The following MYO10 variants were observed in gnomAD, a reference collection of about 807,000 sequenced individuals.
MYO10 encodes myosin X.
In MYO10, 133 loss-of-function variants were observed where a neutral mutation model predicts 257.3. The observed-to-expected ratio is 0.52, with a 90% CI of 0.45 to 0.60. MYO10 has a LOEUF of 0.60. Among genes scored for constraint, MYO10 ranks in the 20% least tolerant of loss-of-function variants. The pLI, the probability that MYO10 is intolerant of heterozygous loss-of-function variation, is 0.00. For synonymous variants in MYO10, 1,104 were observed against 1,028.6 expected (o/e 1.07, Z -1.40); for missense variants, 2,399 against 2,635.7 (o/e 0.91, Z 1.97).
chr5:16,822,923 G>T (rs566984327), intron 2 of MYO10, among the ~76,000 whole-genome samples: 57 of 151,590 alleles, frequency 3.8e-4, no homozygotes, highest in Middle Eastern at 3.4e-3. Context: ...TCCTGACCTC[G>T]TGATCCGCCC....
At chr5:16,852,068 A>G (rs1743821580) in intron 2 of MYO10, among the ~76,000 whole-genome samples, 1 of 150,212 alleles carries the variant, frequency 6.7e-6, no homozygotes, top group Non-Finnish European at 1.5e-5. Context: ...AAAAAAAAAA[A>G]AAAAAAAAAG....
intron 4 of MYO10, among the ~76,000 whole-genome samples, chr5:16,790,896 T>TAA (rs1491167116): frequency 2.7e-4 from 7 of 26,122 alleles, no homozygotes; most frequent in Admixed American, 2.6e-3. Context: ...GTTTTAAATT[T>TAA]ATATATATAT....
intron 2 of MYO10, among the ~76,000 whole-genome samples, chr5:16,845,901 T>C (rs778483046): frequency 6.6e-6 from 1 of 150,802 alleles, no homozygotes; most frequent in Non-Finnish European, 1.5e-5. Context: ...GAGGCAGAGG[T>C]TGCAGTGAGC....
intron 33 of MYO10, among the ~76,000 whole-genome samples, chr5:16,676,571 CG>C (rs1300461845): frequency 3.3e-5 from 5 of 152,010 alleles, no homozygotes; most frequent in African/African-American, 1.2e-4. Flanking sequence ...GAAAATTAGC[CG>C]GGTGTGGTGG....
intron 2 of MYO10, among the ~76,000 whole-genome samples, chr5:16,830,753 A>C (rs1223871635): frequency 5.9e-5 from 9 of 152,256 alleles, no homozygotes; most frequent in African/African-American, 2.2e-4. Flanking sequence ...TTGCAAAAAA[A>C]CTTGCACACA....
chr5:16,711,215 G>C lies in MYO10; in HGVS notation c.1960C>G (p.Leu654Val). ...MPDQFDQAVV[L>V]NQLRYSGMLE... ...ATCCCTGAGTACCGCAGCTGGTTCA[G>C]CACAACCGCCTGGTCAAACTGGTCT... is the stretch of plus-strand genomic sequence containing the variant. The change falls in exon 20 of 41, where the codon CTG (leucine) becomes GTG (valine). Residue 654 changes from leucine (L) to valine (V), a missense_variant. Around this residue, in one of 3 missense-constraint regions of MYO10, gnomAD observed 1,820 missense variants for 1,939.4 expected, o/e 0.94. Coordinates refer to ENST00000513610, the MANE Select transcript of MYO10 (RefSeq NM_012334.3). 6.2e-7 allele frequency: 1 copy of C among 1,612,622 alleles called. No individual in the cohort carries two copies. Among genetic ancestry groups the C allele is most frequent in the Non-Finnish European group, 8.5e-7 (1 of 1,179,430 alleles).
At chr5:16,804,819 G>A (rs913688417) in intron 3 of MYO10, among the ~76,000 whole-genome samples, 1 of 152,272 alleles carries the variant, frequency 6.6e-6, no homozygotes, top group East Asian at 1.9e-4. Flanking sequence ...GCAGGCTGAG[G>A]TGGGAGGATC....
At chr5:16,904,164 C>G (rs2126786926) in intron 1 of MYO10, among the ~76,000 whole-genome samples, 1 of 152,274 alleles carries the variant, frequency 6.6e-6, no homozygotes, top group African/African-American at 2.4e-5. Context: ...CCCAAAAGGA[C>G]AGAGCTTCCG....
intron 4 of MYO10, among the ~76,000 whole-genome samples, chr5:16,791,104 C>A (rs909777449): frequency 6.6e-6 from 1 of 152,024 alleles, no homozygotes; most frequent in Non-Finnish European, 1.5e-5. Flanking sequence ...CCTATCCAAT[C>A]GATGTTCACT....
chr5:16,833,579 A>G (rs1311929958), intron 2 of MYO10, among the ~76,000 whole-genome samples: 1 of 152,082 alleles, frequency 6.6e-6, no homozygotes, highest in African/African-American at 2.4e-5. Context: ...ATTTTCAGAG[A>G]TAAGATTTTG....
chr5:16,836,316 A>G (rs1452317678), intron 2 of MYO10, among the ~76,000 whole-genome samples: 1 of 152,228 alleles, frequency 6.6e-6, no homozygotes, highest in Non-Finnish European at 1.5e-5. Flanking sequence ...CACTATTCAT[A>G]TGAGAGAACA....
At position 16,844,807 on chromosome 5, in the gene MYO10, A is replaced by T. The variant is rs1225546624; in HGVS notation, c.121-26640T>A. On this transcript the variant is annotated intron_variant, in intron 2 of 40. Transcript: ENST00000513610. ...TTAAATCAAGATCTGCAGAACTCTA[A>T]AAGTTTCACAGAAACCACTGCTAAG... Among the ~76,000 whole-genome samples the T allele has an allele frequency of 2.2e-5, 3 of 133,776 alleles. No individual in the cohort carries two copies. In the Admixed American group the frequency reaches 2.5e-4, roughly 11 times the overall value. 87.8% of individuals were successfully genotyped at this position (133,776 alleles called of 152,430 possible).
rs1364684784 is a variant in MYO10 at position 16,683,908 on chromosome 5, A to T, written c.4018T>A (p.Ser1340Thr). The part of the protein sequence containing the change: ...VGTLDVGLID[S>T]VCASDSPDRP... ...TCAGGGCTGTCAGAGGCACACACAG[A>T]ATCAATCAGCCCCACATCCAAGGTG... Residue 1340 changes from serine (S) to threonine (T), a missense_variant, in exon 30 of 41, where the codon TCT becomes ACT. Around this residue, in one of 3 missense-constraint regions of MYO10, gnomAD observed 1,820 missense variants for 1,939.4 expected, o/e 0.94. Coordinates refer to ENST00000513610, the MANE Select transcript of MYO10 (RefSeq NM_012334.3). The T allele has an allele frequency of 1.2e-6, 2 of 1,613,836 alleles. No homozygotes were observed. The highest frequency in any genetic ancestry group is 1.7e-6 in the Non-Finnish European group (2 of 1,179,854).
At chr5:16,675,320 TG>T in intron 34 of MYO10, among the ~76,000 whole-genome samples, 170 bp from the exon 35 acceptor site, 1 of 152,126 alleles carries the variant, frequency 6.6e-6, no homozygotes, top group Middle Eastern at 3.4e-3. Flanking sequence ...AGCACAGAGG[TG>T]GGTAAGTTGA....
At chr5:16,667,409 C>A (rs1362953659) in intron 40 of MYO10, among the ~76,000 whole-genome samples, 1 of 152,188 alleles carries the variant, frequency 6.6e-6, no homozygotes, top group Non-Finnish European at 1.5e-5. Context: ...TCATAACCGG[C>A]TTCCATATCC....
intron 33 of MYO10, among the ~76,000 whole-genome samples, chr5:16,677,704 C>T (rs554945657): frequency 7.0e-4 from 106 of 151,748 alleles, no homozygotes; most frequent in African/African-American, 2.2e-3. Flanking sequence ...CGTGAGCCAT[C>T]GCACCCGGCC....
intron 19 of MYO10, among the ~76,000 whole-genome samples, chr5:16,737,275 A>G (rs1450468075): frequency 1.3e-5 from 2 of 152,194 alleles, no homozygotes; most frequent in Non-Finnish European, 2.9e-5. Flanking sequence ...CTTTTAAGTG[A>G]AATACTGACA....
At chr5:16,823,095 A>T (rs921034332) in intron 2 of MYO10, among the ~76,000 whole-genome samples, 4 of 151,754 alleles carry the variant, frequency 2.6e-5, no homozygotes, top group African/African-American at 4.8e-5. Flanking sequence ...AACAATTAGC[A>T]GGGTATTAGT....
intron 2 of MYO10, among the ~76,000 whole-genome samples, chr5:16,835,716 T>A (rs1403186483): frequency 6.7e-6 from 1 of 150,260 alleles, no homozygotes; most frequent in African/African-American, 2.5e-5. Context: ...AAACACTCTC[T>A]GAATTAATGG....
Sources: gnomAD v4.1 joint callset for allele counts (sites outside exome capture counted in the v4.1 genomes callset) on GRCh38, gnomAD v4.1.1 for gene constraint, gnomAD v4.1.1 regional missense constraint, MANE v1.5 for transcripts, NCBI Gene and HGNC (gene_info 2026-07-23, HGNC 2026-07-21) for gene names.